Variants in PTPRM observed in about 807,000 individuals in gnomAD.
The protein encoded by PTPRM is protein tyrosine phosphatase receptor type M.
A neutral mutation model predicts 186.7 loss-of-function variants in PTPRM; 47 were observed. The ratio of observed to expected loss-of-function variants is 0.25; its 90% CI spans 0.20 to 0.32. The LOEUF is 0.32. Among genes scored for constraint, PTPRM ranks in the 10% least tolerant of loss-of-function variants. PTPRM has a pLI of 1.00. For missense variants in PTPRM, 1,494 were observed against 1,865.0 expected (o/e 0.80, Z 3.66); for synonymous variants, 668 against 674.9 (o/e 0.99, Z 0.16).
At chr18:8,031,181 C>T (rs1168380691) in intron 7 of PTPRM, among the ~76,000 whole-genome samples, 3 of 152,160 alleles carry the variant, frequency 2.0e-5, no homozygotes, top group African/African-American at 7.2e-5. Flanking sequence ...TTAGCACATG[C>T]TAATCACACT....
chr18:8,273,689 T>C (rs77547135), intron 19 of PTPRM, among the ~76,000 whole-genome samples: 3,326 of 152,302 alleles, frequency 0.022, 54 homozygotes, highest in South Asian at 0.057. Flanking sequence ...GATTCAGCAG[T>C]ATGGTAGGAA....
chr18:8,255,763 C>G (rs957928083), intron 19 of PTPRM, among the ~76,000 whole-genome samples: 1 of 152,166 alleles, frequency 6.6e-6, no homozygotes, highest in Non-Finnish European at 1.5e-5. Flanking sequence ...AGTACCGTGC[C>G]CCTTGTGCTG....
chr18:7,973,253 A>C (rs1489950338), intron 7 of PTPRM, among the ~76,000 whole-genome samples: 2 of 152,148 alleles, frequency 1.3e-5, no homozygotes, highest in Non-Finnish European at 2.9e-5. Flanking sequence ...TTACAGTTTT[A>C]AGGTAGAATT....
intron 23 of PTPRM, among the ~76,000 whole-genome samples, chr18:8,351,122 C>G (rs1056796518): frequency 2.0e-5 from 3 of 152,192 alleles, no homozygotes; most frequent in African/African-American, 7.2e-5. Context: ...GCCTGCTTAA[C>G]CAGGGCCCTT....
chr18:7,762,101 C>T (rs566852182), intron 1 of PTPRM, among the ~76,000 whole-genome samples: 35 of 152,110 alleles, frequency 2.3e-4, no homozygotes, highest in Non-Finnish European at 4.1e-4. Flanking sequence ...TGTCCTTGTT[C>T]AAGGACCGCC....
chr18:7,924,307 G>A (rs1644526531), intron 4 of PTPRM, among the ~76,000 whole-genome samples: 3 of 152,038 alleles, frequency 2.0e-5, no homozygotes, highest in Admixed American at 2.0e-4. Flanking sequence ...TTATTTCATT[G>A]GGGAATTTTT....
chr18:8,259,847 T>C (rs757436107), intron 19 of PTPRM, among the ~76,000 whole-genome samples: 3 of 152,110 alleles, frequency 2.0e-5, no homozygotes, highest in Non-Finnish European at 2.9e-5. Context: ...TTCACCATGT[T>C]GGCCAGGCTG....
chr18:8,219,683 A>G (rs1264292773), intron 14 of PTPRM, among the ~76,000 whole-genome samples: 3 of 152,208 alleles, frequency 2.0e-5, no homozygotes, highest in Admixed American at 6.5e-5. Flanking sequence ...TTACAAGTCA[A>G]TAGATGGATT....
chr18:7,781,318 C>A (rs2042844224), intron 2 of PTPRM, among the ~76,000 whole-genome samples: 1 of 152,072 alleles, frequency 6.6e-6, no homozygotes, highest in African/African-American at 2.4e-5. Context: ...ATATTTGTTT[C>A]AAAACCCTAT....
In PTPRM at chr18:7,842,978, A is replaced by AGG. The variant is rs1555617009; in HGVS notation, c.197-45127_197-45126insGG. 6.1e-4 allele frequency among the ~76,000 whole-genome samples: 90 copies of AGG among 147,452 alleles called. 1 individual carries two copies. Among genetic ancestry groups the AGG allele is most frequent in the Middle Eastern group, 7.1e-3 (2 of 282 alleles). The stretch of plus-strand genomic sequence containing the variant: ...GAGAGAGAGAGAGAGAGAGAGAGAG[A>AGG]GATTATATGAGCCAGGTTCCTCTGG... On this transcript the variant is annotated intron_variant, in intron 2 of 32. Transcript: ENST00000580170.
At chr18:7,651,314 G>C (rs989532188) in intron 1 of PTPRM, among the ~76,000 whole-genome samples, 1 of 152,036 alleles carries the variant, frequency 6.6e-6, no homozygotes, top group Non-Finnish European at 1.5e-5. Flanking sequence ...TGCTAAACTG[G>C]ACTTCGTTAA....
At chr18:7,741,277 G>A (rs1465990811) in intron 1 of PTPRM, 2 of 152,176 alleles carry the variant, frequency 1.3e-5, no homozygotes, top group African/African-American at 4.8e-5. Context: ...TGCACAGGTG[G>A]GCATTGCTCC....
At chr18:8,235,795 A>G (rs949668430) in intron 14 of PTPRM, among the ~76,000 whole-genome samples, 16 of 141,860 alleles carry the variant, frequency 1.1e-4, no homozygotes, top group Admixed American at 1.1e-3. Flanking sequence ...GGTTCAAAAT[A>G]TTTTTTAAAT....
At chr18:7,587,822 T>C (rs964377282) in intron 1 of PTPRM, among the ~76,000 whole-genome samples, 1 of 152,288 alleles carries the variant, frequency 6.6e-6, no homozygotes, top group Middle Eastern at 3.4e-3. Flanking sequence ...CAATATATGA[T>C]TCCATCGCAA....
At chr18:8,358,249 G>GCACACACA (rs144869213) in intron 23 of PTPRM, among the ~76,000 whole-genome samples, 8,295 of 147,558 alleles carry the variant, frequency 0.056, 304 homozygotes, top group South Asian at 0.14. Context: ...CACATGACAC[G>GCACACACA]CACACACACA....
chr18:8,289,970 G>C (rs1016376184), intron 19 of PTPRM, among the ~76,000 whole-genome samples: 1 of 152,110 alleles, frequency 6.6e-6, no homozygotes, highest in South Asian at 2.1e-4. Flanking sequence ...CCTTTGTTCA[G>C]GACACTGGAG....
At chr18:7,905,150 C>T (rs570941383) in intron 3 of PTPRM, among the ~76,000 whole-genome samples, 2 of 152,102 alleles carry the variant, frequency 1.3e-5, no homozygotes, top group Non-Finnish European at 2.9e-5. Flanking sequence ...TATGCCACCA[C>T]GTCCACCTAA....
chr18:7,680,713 T>A (rs1351144188), intron 1 of PTPRM, among the ~76,000 whole-genome samples: 9 of 143,030 alleles, frequency 6.3e-5, no homozygotes, highest in Admixed American at 6.1e-4. Flanking sequence ...AAGAAAAAGA[T>A]GTGCCCAGAT....
intron 1 of PTPRM, among the ~76,000 whole-genome samples, chr18:7,623,554 AT>A (rs2037990704): frequency 1.3e-5 from 2 of 152,144 alleles, no homozygotes; most frequent in African/African-American, 4.8e-5. Context: ...AGAAAATATG[AT>A]TTTTAATAGC....
Sources: gnomAD v4.1 joint callset for allele counts (sites outside exome capture counted in the v4.1 genomes callset) on GRCh38, gnomAD v4.1.1 for gene constraint, MANE v1.5 for transcripts, NCBI Gene and HGNC (gene_info 2026-07-23, HGNC 2026-07-21) for gene names.